AP3D1: variants seen among roughly 807,000 people sequenced by gnomAD.
The protein encoded by AP3D1 is adaptor related protein complex 3 subunit delta 1.
A neutral mutation model predicts 147.6 loss-of-function variants in AP3D1; 51 were observed. The ratio of observed to expected loss-of-function variants is 0.35; its 90% CI spans 0.28 to 0.44. AP3D1 has a LOEUF of 0.44. Among genes scored for constraint, AP3D1 ranks in the 20% least tolerant of loss-of-function variants. AP3D1 has a pLI of 1.00. For missense variants in AP3D1, 1,421 were observed against 1,624.2 expected (o/e 0.87, Z 2.15); for synonymous variants, 760 against 663.0 (o/e 1.15, Z -2.25).
At chr19:2,129,827 T>C (rs993889417) in intron 6 of AP3D1, among the ~76,000 whole-genome samples, 4 of 152,206 alleles carry the variant, frequency 2.6e-5, no homozygotes, top group African/African-American at 9.6e-5. Flanking sequence ...GCTGCATCCA[T>C]GCCCACCACT....
chr19:2,125,079 G>C (rs995499366), intron 9 of AP3D1, among the ~76,000 whole-genome samples: 2 of 152,088 alleles, frequency 1.3e-5, no homozygotes, highest in South Asian at 4.1e-4. Flanking sequence ...AGAAATCACC[G>C]CTAAAGAACT....
chr19:2,147,574 A>G lies in AP3D1; in HGVS notation c.96+3665T>C, dbSNP rs572926811. Among the ~76,000 whole-genome samples, 34 of 150,004 alleles carry G rather than the reference A, an allele frequency of 2.3e-4. No homozygotes were observed. In the South Asian group the frequency reaches 7.1e-3, roughly 32 times the overall value. On this transcript the variant is annotated intron_variant, in intron 1 of 31. Coordinates refer to ENST00000643116, the MANE Select transcript of AP3D1 (RefSeq NM_001261826.3). ...CTGACTTGGAAAAAAAACAAGAAGA[A>G]GAAAAAAAAAACAAAAAAGAAAAAA...
chr19:2,150,146 G>C (rs1443221844), intron 1 of AP3D1, among the ~76,000 whole-genome samples: 2 of 152,212 alleles, frequency 1.3e-5, no homozygotes, highest in Middle Eastern at 3.2e-3. Flanking sequence ...TGAGGGACAT[G>C]GTGCCAGGAA....
chr19:2,121,959 C>T (rs2018624547), intron 11 of AP3D1, 80 bp from the exon 12 acceptor site: 18 of 1,474,048 alleles, frequency 1.2e-5, no homozygotes, highest in Admixed American at 2.4e-5. Context: ...CTCTCCGGGC[C>T]GGGTCTCCAC....
upstream of AP3D1, among the ~76,000 whole-genome samples, chr19:2,156,548 A>C (rs915606801): frequency 2.0e-5 from 3 of 149,170 alleles, no homozygotes; most frequent in Admixed American, 6.7e-5. Flanking sequence ...CCAATCAACA[A>C]CGTTTATTGA....
chr19:2,116,528 G>A (rs2018454221), intron 17 of AP3D1, 77 bp downstream of exon 17: 8 of 1,459,552 alleles, frequency 5.5e-6, no homozygotes, highest in Non-Finnish European at 7.2e-6. Flanking sequence ...ACCCACAGAG[G>A]CCGCTGACCT....
At position 2,102,142 on chromosome 19, in the gene AP3D1, C is replaced by T. The variant is rs1319810455; in HGVS notation, c.*31G>A. The stretch of plus-strand genomic sequence containing the variant: ...GGCTGCGGTCCCTGGGTACGTGCTC[C>T]GCGGGGTGGTGCGGGGCTCGCAGGC... On this transcript the variant is annotated 3_prime_UTR_variant, in exon 32 of 32. Coordinates refer to ENST00000643116, the MANE Select transcript of AP3D1 (RefSeq NM_001261826.3). 15 of 1,576,552 alleles carry T rather than the reference C, an allele frequency of 9.5e-6. No individual in the cohort carries two copies. Among genetic ancestry groups the T allele is most frequent in the East Asian group, 4.5e-5 (2 of 44,718 alleles).
Position 2,102,302 on chromosome 19 carries a change from T to C in AP3D1, c.3553-34A>G. ...GGAAAAAAGATGGATATTTTAAAAG[T>C]GTGTGCAGGGGCTAGGCACGGTGGC... On this transcript the variant is annotated intron_variant, in intron 31 of 31. Coordinates refer to ENST00000643116, the MANE Select transcript of AP3D1 (RefSeq NM_001261826.3). 4 of 1,575,456 alleles carry C rather than the reference T, an allele frequency of 2.5e-6. No individual in the cohort carries two copies. The South Asian group carries it at 3.3e-5, about 13-fold the overall frequency.
intron 7 of AP3D1, 35 bp from the exon 8 acceptor site, chr19:2,129,198 G>A (rs749233940): frequency 6.2e-7 from 1 of 1,607,882 alleles, no homozygotes; most frequent in Non-Finnish European, 8.5e-7. Flanking sequence ...CACCCGCAGG[G>A]AATGCCCCAC....
chr19:2,116,410 G>T, intron 17 of AP3D1, 132 bp from the exon 18 acceptor site: 1 of 1,222,408 alleles, frequency 8.2e-7, no homozygotes, highest in Non-Finnish European at 1.1e-6. Context: ...TCACTAACAG[G>T]GAAACCAAGG....
At chr19:2,116,368 C>G in intron 17 of AP3D1, 90 bp from the exon 18 acceptor site, 1 of 1,405,386 alleles carries the variant, frequency 7.1e-7, no homozygotes, top group African/African-American at 1.4e-5. Context: ...CTGGGGAAGG[C>G]TGGATCTCTG....
At chr19:2,111,887 AG>A in intron 24 of AP3D1, 59 bp from the exon 25 acceptor site, 1 of 1,607,028 alleles carries the variant, frequency 6.2e-7, no homozygotes, top group Non-Finnish European at 8.5e-7. Flanking sequence ...CCCCCATCAC[AG>A]TGTGAGGTCA....
At position 2,116,731 on chromosome 19, in the gene AP3D1, G is replaced by A; in HGVS notation, c.1875C>T (p.Ala625=). ...TGTCCGAGAGTGGCTCATTGATCCA[G>A]GCGTCCAGGTCCAGGCTGCACCGGA... ...VPVPEGLDLD[A]WINEPLSDSE... is the part of the protein sequence containing the mutation. The change falls in exon 17 of 32, where the codon GCC becomes GCT. Residue 625 remains alanine (A), a synonymous_variant. Coordinates refer to ENST00000643116, the MANE Select transcript of AP3D1 (RefSeq NM_001261826.3). 1 of 1,611,152 alleles carries A rather than the reference G, an allele frequency of 6.2e-7. No individual in the cohort carries two copies. Among genetic ancestry groups the A allele is most frequent in the African/African-American group, 1.3e-5 (1 of 74,992 alleles).
intron 24 of AP3D1, chr19:2,112,646 T>C (rs756144970): frequency 3.9e-6 from 2 of 515,080 alleles, no homozygotes; most frequent in Non-Finnish European, 6.8e-6. Flanking sequence ...TTCAAATGAA[T>C]AAACTCTATG....
At chr19:2,116,317 G>C in intron 17 of AP3D1, 39 bp from the exon 18 acceptor site, 1 of 1,597,544 alleles carries the variant, frequency 6.3e-7, no homozygotes, top group South Asian at 1.1e-5. Flanking sequence ...AGAGAAGCGG[G>C]CAGGATACCC....
rs377631454 is a variant in AP3D1, at chr19:2,114,254, G to A, written c.2472C>T (p.Thr824=). The part of the protein sequence containing the change: ...EKLPIQKHRN[T]ETSKSPEKDV... ...CCTTCTCAGGGGATTTTGAGGTCTC[G>A]GTGTTTCTGTGTTTCTGAATAGGCA... Residue 824 remains threonine (T), a synonymous_variant, in exon 22 of 32, where the codon ACC becomes ACT. Coordinates refer to ENST00000643116, the MANE Select transcript of AP3D1 (RefSeq NM_001261826.3). The A allele has an allele frequency of 1.2e-4, 186 of 1,612,918 alleles. No individual in the cohort carries two copies. The highest frequency in any genetic ancestry group is 1.6e-4 in the Middle Eastern group (1 of 6,078).
At chr19:2,121,401 C>A in intron 12 of AP3D1, 90 bp from the exon 13 acceptor site, 2 of 1,480,792 alleles carry the variant, frequency 1.4e-6, no homozygotes, top group Non-Finnish European at 1.8e-6. Flanking sequence ...GAGACAGAAT[C>A]CACGGGACAC....
At chr19:2,133,782 G>A (rs916271731) in intron 4 of AP3D1, among the ~76,000 whole-genome samples, 1 of 151,400 alleles carries the variant, frequency 6.6e-6, no homozygotes, top group Non-Finnish European at 1.5e-5. Flanking sequence ...GATTACAGGC[G>A]TGAGCCACAG....
intron 31 of AP3D1, among the ~76,000 whole-genome samples, chr19:2,103,937 A>G (rs551569544): frequency 6.6e-6 from 1 of 152,118 alleles, no homozygotes; most frequent in African/African-American, 2.4e-5. Context: ...AGATGCCAAC[A>G]CCAAGGCACC....
Sources: gnomAD v4.1 joint callset for allele counts (sites outside exome capture counted in the v4.1 genomes callset) on GRCh38, gnomAD v4.1.1 for gene constraint, MANE v1.5 for transcripts, NCBI Gene and HGNC (gene_info 2026-07-23, HGNC 2026-07-21) for gene names.